The following INSYN2B variants were observed in gnomAD, a reference collection of about 807,000 sequenced individuals.
INSYN2B encodes protein INSYN2B.
Under a neutral mutation model 41.2 loss-of-function variants are expected in INSYN2B, and 16 were observed. The observed-to-expected ratio is 0.39, with a 90% CI of 0.26 to 0.59. INSYN2B has a LOEUF of 0.59. Ranked by LOEUF, INSYN2B falls within the 20% of genes least tolerant of loss-of-function variation. The pLI, the probability that INSYN2B is intolerant of heterozygous loss-of-function variation, is 0.57. For missense variants in INSYN2B, 608 were observed against 646.4 expected, an observed-to-expected ratio of 0.94 and a Z score of 0.64; for synonymous variants, 245 against 244.4, an observed-to-expected ratio of 1.00 and a Z score of -0.02.
At position 169,883,939 on chromosome 5, in the gene INSYN2B, A is replaced by G; in HGVS notation, c.-41T>C. On this transcript the variant is annotated 5_prime_UTR_variant, in exon 2 of 4. Transcript: ENST00000377365. ...AGGATCAGGACCATACACTTCTCCT[A>G]GGCACATCTCCCCTTAGGTCTTTGG... 1 of 1,446,470 alleles carries G rather than the reference A, an allele frequency of 6.9e-7. No individual in the cohort carries two copies. Among genetic ancestry groups the G allele is most frequent in the Non-Finnish European group, 9.1e-7 (1 of 1,095,476 alleles). The allele number at this position is 1,446,470 out of a possible 1,614,324, so 89.6% of individuals were successfully genotyped here.
intron 1 of INSYN2B, chr5:169,934,850 G>A (rs1775916263): frequency 1.3e-5 from 5 of 388,382 alleles, no homozygotes; most frequent in Non-Finnish European, 2.1e-5. Flanking sequence ...GGTAAATAAA[G>A]CATTATACAT....
At chr5:169,949,509 G>A (rs1009004097) in intron 1 of INSYN2B, among the ~76,000 whole-genome samples, 3 of 151,806 alleles carry the variant, frequency 2.0e-5, no homozygotes, top group Non-Finnish European at 2.9e-5. Context: ...AAAGTAGCTG[G>A]AGCCTGGAAC....
At chr5:169,947,950 A>AC (rs1228737411) in intron 1 of INSYN2B, among the ~76,000 whole-genome samples, 3 of 152,146 alleles carry the variant, frequency 2.0e-5, no homozygotes, top group Non-Finnish European at 2.9e-5. Context: ...GCAAAGCTTC[A>AC]CCCAGGGGTC....
At position 169,944,712 on chromosome 5, in the gene INSYN2B, TGTG is replaced by T. The variant is rs1776376856; in HGVS notation, c.-919+35562_-919+35564del. Among the ~76,000 whole-genome samples, 3 of 152,170 alleles carry T rather than the reference TGTG, an allele frequency of 2.0e-5. No homozygotes were observed. The South Asian group carries it at 6.2e-4, about 32-fold the overall frequency. On this transcript the variant is annotated intron_variant, in intron 1 of 3. Coordinates refer to ENST00000377365, the MANE Select transcript of INSYN2B (RefSeq NM_001129891.3). ...CTGGGATGCTGTAAACAGCTGAACATGTGGTGGCTCTCACCAGTGCTAGGAACC... is the reference window on the plus strand; with the variant it reads ...CTGGGATGCTGTAAACAGCTGAACATGTGGCTCTCACCAGTGCTAGGAACC...
chr5:169,908,875 G>C (rs1244480636), intron 1 of INSYN2B, among the ~76,000 whole-genome samples: 1 of 151,864 alleles, frequency 6.6e-6, no homozygotes, highest in Admixed American at 6.6e-5. Context: ...CTACATTATT[G>C]CATTTCACCT....
intron 1 of INSYN2B, among the ~76,000 whole-genome samples, chr5:169,929,330 A>ACT (rs981358341): frequency 6.6e-6 from 1 of 152,128 alleles, no homozygotes; most frequent in Admixed American, 6.5e-5. Flanking sequence ...CATGGGTAAG[A>ACT]CTCAGACAAA....
intron 2 of INSYN2B, 44 bp from the exon 3 acceptor site, chr5:169,881,486 C>A: frequency 1.4e-6 from 2 of 1,456,596 alleles, no homozygotes; most frequent in South Asian, 1.2e-5. Flanking sequence ...GGGCAAAAGT[C>A]ACGTGGGCCA....
chr5:169,895,772 C>G (rs186615026), intron 1 of INSYN2B, among the ~76,000 whole-genome samples: 5 of 152,250 alleles, frequency 3.3e-5, no homozygotes, highest in Non-Finnish European at 7.4e-5. Context: ...TGACCTAGGA[C>G]AAGTCATCTC....
intron 1 of INSYN2B, among the ~76,000 whole-genome samples, chr5:169,943,079 C>T (rs563739577): frequency 2.4e-4 from 37 of 152,174 alleles, no homozygotes; most frequent in African/African-American, 4.6e-4. Context: ...GTCTTTGGAA[C>T]GCTCTGCAGC....
intron 1 of INSYN2B, among the ~76,000 whole-genome samples, chr5:169,904,442 G>A (rs992972190): frequency 2.0e-5 from 3 of 152,156 alleles, no homozygotes; most frequent in African/African-American, 4.8e-5. Flanking sequence ...CCTCTCCAAA[G>A]TCTCACTTCT....
At position 169,883,247 on chromosome 5, in the gene INSYN2B, C is replaced by T; in HGVS notation, c.652G>A (p.Glu218Lys). 6.4e-7 allele frequency: 1 copy of T among 1,551,626 alleles called. No homozygotes were observed. Among genetic ancestry groups the T allele is most frequent in the East Asian group, 2.4e-5 (1 of 40,918 alleles). The change falls in exon 2 of 4, where the codon GAG becomes AAG. Residue 218 changes from glutamate to lysine, a missense_variant. Coordinates refer to ENST00000377365, the MANE Select transcript of INSYN2B (RefSeq NM_001129891.3). ...IYHSPSWEAR[E>K]SALSPDRSAE... ...GACCTGTCTGGGCTGAGAGCAGACT[C>T]TCTAGCTTCCCAGGAAGGACTGTGA... is the stretch of plus-strand genomic sequence containing the variant.
chr5:169,903,155 T>A (rs1490406614), intron 1 of INSYN2B, among the ~76,000 whole-genome samples: 1 of 151,196 alleles, frequency 6.6e-6, no homozygotes, highest in Non-Finnish European at 1.5e-5. Context: ...TGCATATCTG[T>A]AGTCTCAGCT....
intron 1 of INSYN2B, among the ~76,000 whole-genome samples, chr5:169,956,953 G>A (rs1379800301): frequency 6.6e-6 from 1 of 152,086 alleles, no homozygotes; most frequent in Non-Finnish European, 1.5e-5. Context: ...TGTCTTCCTT[G>A]AGTATGTCTC....
intron 3 of INSYN2B, among the ~76,000 whole-genome samples, chr5:169,874,744 T>C (rs1772216120): frequency 6.6e-6 from 1 of 152,120 alleles, no homozygotes; most frequent in East Asian, 1.9e-4. Flanking sequence ...GGATTGCCAA[T>C]CAGTTTCTGA....
intron 1 of INSYN2B, among the ~76,000 whole-genome samples, chr5:169,913,829 T>C (rs2113628398): frequency 6.6e-6 from 1 of 152,348 alleles, no homozygotes; most frequent in East Asian, 1.9e-4. Context: ...AACTACAATG[T>C]TGATCCCATT....
At chr5:169,934,558 CACACCTGGATCT>C (rs1775899500) in intron 1 of INSYN2B, 1 of 445,442 alleles carries the variant, frequency 2.2e-6, no homozygotes, top group Non-Finnish European at 4.5e-6. Context: ...TACATTCACA[CACACCTGGATCT>C]AAATCCTGCT....
chr5:169,980,296 C>T lies in INSYN2B; in HGVS notation c.-938G>A, dbSNP rs577092119. On this transcript the variant is annotated 5_prime_UTR_variant, in exon 1 of 4. Transcript: ENST00000377365. Reference sequence around the variant, plus strand: ...TCTTACCTTGAAGCAGTGGAATTACCTGCAGAGGATGGTCCCCCTTCCTTG... The same window carrying T: ...TCTTACCTTGAAGCAGTGGAATTACTTGCAGAGGATGGTCCCCCTTCCTTG... The T allele has an allele frequency of 1.3e-5, 2 of 152,316 alleles. No individual in the cohort carries two copies. The highest frequency in any genetic ancestry group is 4.1e-4 in the South Asian group (2 of 4,822). 9.4% of individuals were successfully genotyped at this position (152,316 alleles called of 1,614,324 possible). A position where few individuals can be genotyped will look rare whatever the true frequency, so the allele number is the denominator to read the frequency against.
At chr5:169,903,293 A>AAAC (rs1189117124) in intron 1 of INSYN2B, among the ~76,000 whole-genome samples, 1 of 146,858 alleles carries the variant, frequency 6.8e-6, no homozygotes, top group Non-Finnish European at 1.5e-5. Context: ...CATCTCTAAA[A>AAAC]AACAACAACA....
At chr5:169,885,040 T>G (rs1184205861) in intron 1 of INSYN2B, among the ~76,000 whole-genome samples, 1 of 152,138 alleles carries the variant, frequency 6.6e-6, no homozygotes. Context: ...TCTCCATTTC[T>G]GCACAGCACT....
Sources: allele counts gnomAD v4.1 joint callset (sites outside exome capture counted in the v4.1 genomes callset), GRCh38; gene constraint gnomAD v4.1.1; transcripts MANE v1.5; gene names NCBI Gene and HGNC (gene_info 2026-07-23, HGNC 2026-07-21).